MDGA2: variants seen among roughly 807,000 people sequenced by gnomAD.
MDGA2 encodes MAM domain containing glycosylphosphatidylinositol anchor 2.
MDGA2 carries 40 observed loss-of-function variants against 117.8 expected under a neutral mutation model. The ratio of observed to expected loss-of-function variants is 0.34; its 90% CI spans 0.26 to 0.44. The LOEUF (loss-of-function observed/expected upper bound fraction) is 0.44, where lower values mean the gene tolerates loss of function less well. MDGA2 is among the 20% of genes least tolerant of loss of function. The probability of loss-of-function intolerance (pLI) is 1.00; values close to 1 mark genes in which losing one functional copy is unlikely to be tolerated. For missense variants in MDGA2, 1,123 were observed against 1,250.6 expected, an observed-to-expected ratio of 0.90 and a Z score of 1.54; for synonymous variants, 452 against 439.0, an observed-to-expected ratio of 1.03 and a Z score of -0.37.
At chr14:47,134,368 A>G (rs1169111433) in intron 4 of MDGA2, among the ~76,000 whole-genome samples, 4 of 152,086 alleles carry the variant, frequency 2.6e-5, no homozygotes, top group Admixed American at 2.0e-4. Context: ...GCACTGGTAT[A>G]AACTCAATAT....
At chr14:47,287,443 T>C (rs997843157) in intron 2 of MDGA2, among the ~76,000 whole-genome samples, 1 of 152,188 alleles carries the variant, frequency 6.6e-6, no homozygotes, top group Admixed American at 6.5e-5. Context: ...ATGAATTATA[T>C]ATTTATGGTG....
intron 14 of MDGA2, among the ~76,000 whole-genome samples, chr14:46,869,893 T>C (rs1881929513): frequency 6.6e-6 from 1 of 151,894 alleles, no homozygotes; most frequent in African/African-American, 2.4e-5. Flanking sequence ...GAAATCAGTA[T>C]CTATAGTCCA....
Position 47,390,234 on chromosome 14 carries a change from T to C in MDGA2, c.281-88684A>G, listed in dbSNP as rs148709706. Among the ~76,000 whole-genome samples, 680 of 152,354 alleles carry C rather than the reference T, an allele frequency of 4.5e-3. 3 individuals are homozygous for C. The highest frequency in any genetic ancestry group is 0.016 in the African/African-American group (662 of 41,590). On this transcript the variant is annotated intron_variant, in intron 1 of 16. Coordinates refer to ENST00000399232, the MANE Select transcript of MDGA2 (RefSeq NM_001113498.3). ...ATTTATTTAGAAAACTTTTCACTTC[T>C]TCCTCTTCTCTTTGCAATATATGTA... is the stretch of plus-strand genomic sequence containing the variant.
intron 2 of MDGA2, among the ~76,000 whole-genome samples, chr14:47,292,751 T>G (rs72682148): frequency 0.091 from 13,858 of 152,228 alleles, 776 homozygotes; most frequent in Non-Finnish European, 0.11. Flanking sequence ...GGATGAATGA[T>G]TGTGATCTTC....
At chr14:47,637,706 T>C (rs1300971264) in intron 1 of MDGA2, among the ~76,000 whole-genome samples, 1 of 152,218 alleles carries the variant, frequency 6.6e-6, no homozygotes, top group South Asian at 2.1e-4. Context: ...GAATTCACCA[T>C]AGAAAATGTT....
chr14:47,046,541 G>T (rs1363411072), intron 7 of MDGA2, among the ~76,000 whole-genome samples: 1 of 151,592 alleles, frequency 6.6e-6, no homozygotes, highest in Non-Finnish European at 1.5e-5. Context: ...CATGGCACAT[G>T]TGTACATATG....
intron 6 of MDGA2, among the ~76,000 whole-genome samples, chr14:47,063,534 A>G (rs187368846): frequency 1.6e-3 from 246 of 152,098 alleles, no homozygotes; most frequent in African/African-American, 5.7e-3. Context: ...TACAATGCCA[A>G]TGTAATTGAA....
At chr14:47,208,608 A>G (rs1473092152) in intron 3 of MDGA2, among the ~76,000 whole-genome samples, 2 of 150,390 alleles carry the variant, frequency 1.3e-5, no homozygotes, top group East Asian at 3.9e-4. Flanking sequence ...AGAAAGCTAG[A>G]TTCAGAGGGC....
intron 2 of MDGA2, among the ~76,000 whole-genome samples, chr14:47,268,630 A>G (rs1392763048): frequency 6.6e-6 from 1 of 152,144 alleles, no homozygotes; most frequent in Admixed American, 6.6e-5. Flanking sequence ...TTTTACTGTC[A>G]TATGTCTAGA....
chr14:47,041,299 A>C (rs1403510413), intron 7 of MDGA2, among the ~76,000 whole-genome samples: 1 of 152,104 alleles, frequency 6.6e-6, no homozygotes, highest in Non-Finnish European at 1.5e-5. Flanking sequence ...CAATTTGAAG[A>C]CATGAAATTT....
At chr14:47,342,598 G>A (rs1050157802) in intron 1 of MDGA2, among the ~76,000 whole-genome samples, 2 of 152,074 alleles carry the variant, frequency 1.3e-5, no homozygotes, top group African/African-American at 2.4e-5. Context: ...TGTGATAGGA[G>A]TAGAAAATGC....
At position 47,499,388 on chromosome 14, in the gene MDGA2, T is replaced by C. The variant is rs1164904503; in HGVS notation, c.280+175129A>G. 2.6e-5 allele frequency among the ~76,000 whole-genome samples: 4 copies of C among 152,154 alleles called. 1 individual carries two copies. The highest frequency in any genetic ancestry group is 7.2e-5 in the African/African-American group (3 of 41,440). On this transcript the variant is annotated intron_variant, in intron 1 of 16. Coordinates refer to ENST00000399232, the MANE Select transcript of MDGA2 (RefSeq NM_001113498.3). ...GAAAATCATTGAAAACTAGTTTATA[T>C]GTCTATGCAAATATAGTTCTTTCTC...
chr14:47,414,896 C>T (rs1324640455), intron 1 of MDGA2, among the ~76,000 whole-genome samples: 2 of 151,944 alleles, frequency 1.3e-5, no homozygotes, highest in Non-Finnish European at 2.9e-5. Flanking sequence ...TTTACTAACA[C>T]TGTAAAGATT....
chr14:47,158,178 C>G (rs1036843925), intron 3 of MDGA2, among the ~76,000 whole-genome samples: 1 of 152,120 alleles, frequency 6.6e-6, no homozygotes, highest in Non-Finnish European at 1.5e-5. Context: ...TGTGTTACGA[C>G]TGCTTACAGC....
Position 47,115,016 on chromosome 14 carries a change from C to T in MDGA2, c.925+16698G>A, listed in dbSNP as rs965263974. ...CCTACAAAATGGAAGAAAATTTTTG[C>T]TTATGCTTTTACGGTATAATGTAAA... On this transcript the variant is annotated intron_variant, in intron 5 of 16. Coordinates refer to ENST00000399232, the MANE Select transcript of MDGA2 (RefSeq NM_001113498.3). Among the ~76,000 whole-genome samples the T allele has an allele frequency of 9.3e-5, 14 of 150,222 alleles. 1 individual carries two copies. The highest frequency in any genetic ancestry group is 1.6e-4 in the Non-Finnish European group (11 of 67,694).
intron 10 of MDGA2, among the ~76,000 whole-genome samples, chr14:46,899,048 G>T (rs933650835): frequency 6.6e-6 from 1 of 151,976 alleles, no homozygotes; most frequent in African/African-American, 2.4e-5. Flanking sequence ...AATCGCAGCC[G>T]CTAATGGAAA....
At chr14:47,225,195 C>G (rs1345475468) in intron 2 of MDGA2, among the ~76,000 whole-genome samples, 2 of 151,964 alleles carry the variant, frequency 1.3e-5, no homozygotes, top group African/African-American at 4.8e-5. Flanking sequence ...GAAATAGGAA[C>G]ACTTTTACAC....
chr14:47,350,823 C>A (rs1203809293), intron 1 of MDGA2, among the ~76,000 whole-genome samples: 2 of 152,196 alleles, frequency 1.3e-5, no homozygotes, highest in East Asian at 3.9e-4. Flanking sequence ...CAATAAAAGA[C>A]AAGGGAGTTC....
intron 2 of MDGA2, among the ~76,000 whole-genome samples, chr14:47,278,420 G>A (rs1888375388): frequency 6.6e-6 from 1 of 152,032 alleles, no homozygotes; most frequent in East Asian, 1.9e-4. Flanking sequence ...CTACAGCTCT[G>A]GGAAACACTG....
Sources: allele counts gnomAD v4.1 joint callset (sites outside exome capture counted in the v4.1 genomes callset), GRCh38; gene constraint gnomAD v4.1.1; transcripts MANE v1.5; gene names NCBI Gene and HGNC (gene_info 2026-07-23, HGNC 2026-07-21).